Variants in SHOC2 observed in about 807,000 individuals in gnomAD.
SHOC2 encodes the protein leucine-rich repeat protein SHOC-2.
In SHOC2, 4 loss-of-function variants were observed where a neutral mutation model predicts 50.2. That is an observed-to-expected ratio of 0.08 (90% confidence interval 0.04 to 0.18). The LOEUF (loss-of-function observed/expected upper bound fraction) is 0.18, where lower values mean the gene tolerates loss of function less well. SHOC2 is among the 10% of genes least tolerant of loss of function. The pLI is 1.00. For missense variants in SHOC2, 388 were observed against 669.6 expected (o/e 0.58, Z 4.64); for synonymous variants, 218 against 244.5 (o/e 0.89, Z 1.01).
At chr10:110,961,117 A>G (rs1431140350) in intron 1 of SHOC2, among the ~76,000 whole-genome samples, 1 of 152,094 alleles carries the variant, frequency 6.6e-6, no homozygotes, top group African/African-American at 2.4e-5. Flanking sequence ...CCCTGTATAA[A>G]AACCTCCTTG....
intron 1 of SHOC2, among the ~76,000 whole-genome samples, chr10:110,920,982 T>C (rs1353759835): frequency 6.6e-6 from 1 of 152,222 alleles, no homozygotes; most frequent in African/African-American, 2.4e-5. Context: ...AAGGTACATT[T>C]GTGTAACCAA....
chr10:110,956,216 C>T (rs143076170), intron 1 of SHOC2, among the ~76,000 whole-genome samples: 51 of 151,480 alleles, frequency 3.4e-4, no homozygotes, highest in Middle Eastern at 3.4e-3. Context: ...GACGGAGTTT[C>T]GCTCTTGTCA....
chr10:110,965,124 T>A lies in SHOC2; in HGVS notation c.703+63T>A. The A allele has an allele frequency of 2.1e-6, 3 of 1,423,346 alleles. No individual in the cohort carries two copies. The South Asian group carries it at 3.6e-5, about 17-fold the overall frequency. 88.2% of individuals were successfully genotyped at this position (1,423,346 alleles called of 1,614,324 possible). ...TTATGCTAAATAATTTTGAGTGCTT[T>A]CTCATATCAAAAAATGCCTGATACT... is the stretch of plus-strand genomic sequence containing the variant. On this transcript the variant is annotated intron_variant, in intron 2 of 8. Transcript: ENST00000369452.
intron 2 of SHOC2, among the ~76,000 whole-genome samples, chr10:110,974,189 TG>T (rs1430790407): frequency 6.6e-6 from 1 of 152,102 alleles, no homozygotes; most frequent in Admixed American, 6.5e-5. Context: ...ACACAAATTT[TG>T]GCAGGTTATC....
chr10:111,005,670 C>T (rs758803389), intron 5 of SHOC2, among the ~76,000 whole-genome samples: 4 of 152,166 alleles, frequency 2.6e-5, no homozygotes, highest in Non-Finnish European at 4.4e-5. Flanking sequence ...CTTACCCACT[C>T]TACAGTGATC....
chr10:110,990,871 C>T (rs11195397), intron 3 of SHOC2, among the ~76,000 whole-genome samples: 34,615 of 152,124 alleles, frequency 0.23, 6,611 homozygotes, highest in East Asian at 0.54. Flanking sequence ...TTTCTTATCC[C>T]TCTCATTGAT....
At chr10:110,979,450 C>G (rs1326516141) in intron 2 of SHOC2, among the ~76,000 whole-genome samples, 1 of 152,112 alleles carries the variant, frequency 6.6e-6, no homozygotes, top group African/African-American at 2.4e-5. Flanking sequence ...AATTATATAA[C>G]GTATACAATT....
chr10:110,964,991 C>T lies in SHOC2; in HGVS notation c.633C>T (p.Ile211=), dbSNP rs1050720476. ...FNRITTVEKD[I]KNLSKLSMLS... Reference sequence around the variant, plus strand: ...GTATAACTACTGTGGAAAAGGACATCAAAAACTTGTCAAAACTCAGCATGC... The same window carrying T: ...GTATAACTACTGTGGAAAAGGACATTAAAAACTTGTCAAAACTCAGCATGC... The change falls in exon 2 of 9, where the codon ATC becomes ATT. Residue 211 remains isoleucine (I), a synonymous_variant. Coordinates refer to ENST00000369452, the MANE Select transcript of SHOC2 (RefSeq NM_007373.4). The surrounding 1 kb of genome is among the most constrained non-coding windows in gnomAD (Gnocchi z 4.9). The T allele has an allele frequency of 6.2e-7, 1 of 1,613,608 alleles. No individual in the cohort carries two copies. Among genetic ancestry groups the T allele is most frequent in the African/African-American group, 1.3e-5 (1 of 74,896 alleles).
chr10:111,006,320 G>T (rs181714655), intron 5 of SHOC2, among the ~76,000 whole-genome samples: 1 of 152,162 alleles, frequency 6.6e-6, no homozygotes, highest in African/African-American at 2.4e-5. Context: ...TTCTTTTATG[G>T]GTCATTTTGT....
chr10:110,980,474 C>A (rs1377816653), intron 2 of SHOC2, among the ~76,000 whole-genome samples: 1 of 152,142 alleles, frequency 6.6e-6, no homozygotes, highest in Non-Finnish European at 1.5e-5. Context: ...CACTCACTTA[C>A]TTCCACTGCC....
chr10:110,970,561 T>C (rs1302778255), intron 2 of SHOC2, among the ~76,000 whole-genome samples: 1 of 152,182 alleles, frequency 6.6e-6, no homozygotes, highest in Non-Finnish European at 1.5e-5. Context: ...GTAGTCAGAT[T>C]ATTTGGTCAT....
At chr10:110,953,978 C>T (rs994517172) in intron 1 of SHOC2, among the ~76,000 whole-genome samples, 1 of 150,956 alleles carries the variant, frequency 6.6e-6, no homozygotes, top group Admixed American at 6.6e-5. Flanking sequence ...TTTGGGTTGT[C>T]TATAAGCACT....
intron 2 of SHOC2, among the ~76,000 whole-genome samples, chr10:110,968,227 T>C (rs1847715122): frequency 6.6e-6 from 1 of 152,174 alleles, no homozygotes; most frequent in African/African-American, 2.4e-5. Flanking sequence ...ATATTTGTTT[T>C]TAATTCTTGA....
chr10:110,932,556 A>T (rs377631767), intron 1 of SHOC2, among the ~76,000 whole-genome samples: 3 of 152,190 alleles, frequency 2.0e-5, no homozygotes, highest in East Asian at 3.9e-4. Flanking sequence ...GATTGTCAGA[A>T]TGTAAACATT....
chr10:111,007,182 A>G (rs1848485050), intron 5 of SHOC2, among the ~76,000 whole-genome samples: 1 of 152,122 alleles, frequency 6.6e-6, no homozygotes, highest in Non-Finnish European at 1.5e-5. Flanking sequence ...TTGAGCATTT[A>G]TATTTTATTC....
At chr10:110,993,213 G>C (rs1848215234) in intron 3 of SHOC2, among the ~76,000 whole-genome samples, 1 of 152,154 alleles carries the variant, frequency 6.6e-6, no homozygotes, top group Admixed American at 6.5e-5. Context: ...TCTTAGTCAA[G>C]ATGGCTCAAC....
At chr10:110,940,576 A>G (rs889319436) in intron 1 of SHOC2, among the ~76,000 whole-genome samples, 1 of 152,218 alleles carries the variant, frequency 6.6e-6, no homozygotes, top group Non-Finnish European at 1.5e-5. Context: ...TAGAGCTTAT[A>G]TTAACAAATT....
At chr10:110,956,878 C>G (rs767999616) in intron 1 of SHOC2, among the ~76,000 whole-genome samples, 3 of 151,306 alleles carry the variant, frequency 2.0e-5, no homozygotes, top group Non-Finnish European at 4.4e-5. Flanking sequence ...AGTGAAATAT[C>G]TCGTAAGTAG....
intron 2 of SHOC2, among the ~76,000 whole-genome samples, chr10:110,974,072 T>C (rs921824080): frequency 6.6e-5 from 10 of 152,050 alleles, no homozygotes; most frequent in Non-Finnish European, 1.3e-4. Flanking sequence ...AATACGCTTT[T>C]CTTTGTTTTC....
Sources: gnomAD v4.1 joint callset for allele counts (sites outside exome capture counted in the v4.1 genomes callset) on GRCh38, gnomAD v4.1.1 for gene constraint, Gnocchi (gnomAD v3.1) non-coding constraint, MANE v1.5 for transcripts, NCBI Gene and HGNC (gene_info 2026-07-23, HGNC 2026-07-21) for gene names.